The following NUTM1 variants were observed in gnomAD, a reference collection of about 807,000 sequenced individuals.
The protein encoded by NUTM1 is NUT midline carcinoma family member 1, also known as NUT family member 1.
Under a neutral mutation model 88.7 loss-of-function variants are expected in NUTM1, and 39 were observed. The ratio of observed to expected loss-of-function variants is 0.44; its 90% CI spans 0.34 to 0.57. NUTM1 has a LOEUF of 0.57. Among genes scored for constraint, NUTM1 ranks in the 20% least tolerant of loss-of-function variants. NUTM1 has a pLI of 0.01. For missense variants in NUTM1, 1,350 were observed against 1,414.5 expected (o/e 0.95, Z 0.73); for synonymous variants, 494 against 538.0 (o/e 0.92, Z 1.13).
chr15:34,356,992 AC>A lies in NUTM1; in HGVS notation c.2986del (p.Gln996ArgfsTer16). 1 of 1,613,038 alleles carries A rather than the reference AC, an allele frequency of 6.2e-7. No individual in the cohort carries two copies. ...GGGACTCCCAAAGCAACATCTTCTCACCAGGGCCTTGGAAGCACTTTGCCTA... is the reference window on the plus strand; with the variant it reads ...GGGACTCCCAAAGCAACATCTTCTCACAGGGCCTTGGAAGCACTTTGCCTA... ...TTGTPKATSS[H>X]QGLGSTLPRR... On this transcript the variant is annotated frameshift_variant, in exon 8 of 8. Coordinates refer to ENST00000537011, the MANE Select transcript of NUTM1 (RefSeq NM_001284292.2). LOFTEE classifies it high-confidence loss of function.
intron 4 of NUTM1, among the ~76,000 whole-genome samples, chr15:34,351,876 A>AG (rs1227313587): frequency 1.3e-5 from 2 of 151,018 alleles, no homozygotes; most frequent in Non-Finnish European, 3.0e-5. Context: ...TTTGATTAAA[A>AG]AAAAAAAAAA....
intron 2 of NUTM1, among the ~76,000 whole-genome samples, chr15:34,347,270 T>G (rs1403861221): frequency 1.3e-5 from 2 of 151,650 alleles, no homozygotes; most frequent in Non-Finnish European, 2.9e-5. Flanking sequence ...TTCTTTTTTT[T>G]TTTTTGAGAC....
At chr15:34,346,090 C>T in intron 2 of NUTM1, 55 bp downstream of exon 2, 1 of 1,564,350 alleles carries the variant, frequency 6.4e-7, no homozygotes, top group Non-Finnish European at 8.8e-7. Flanking sequence ...TCCTTTGAGA[C>T]AAGCTCTCTG....
At chr15:34,352,079 A>C (rs1340537403) in intron 4 of NUTM1, among the ~76,000 whole-genome samples, 2 of 152,210 alleles carry the variant, frequency 1.3e-5, no homozygotes, top group Non-Finnish European at 2.9e-5. Flanking sequence ...CTGAGGCAGG[A>C]GAATCGCTTG....
At chr15:34,350,598 C>A in intron 3 of NUTM1, 106 bp from the exon 4 acceptor site, 2 of 1,391,570 alleles carry the variant, frequency 1.4e-6, no homozygotes, top group South Asian at 1.4e-5. Flanking sequence ...CCCTAAGGGG[C>A]ACAATAGATT....
chr15:34,353,970 T>C, intron 5 of NUTM1, 98 bp downstream of exon 5: 1 of 1,367,896 alleles, frequency 7.3e-7, no homozygotes, highest in Non-Finnish European at 1.0e-6. Context: ...GCCCAGGCTC[T>C]GCCACTTTCC....
At chr15:34,347,116 C>T (rs1890606988) in intron 2 of NUTM1, among the ~76,000 whole-genome samples, 5 of 151,912 alleles carry the variant, frequency 3.3e-5, no homozygotes, top group Admixed American at 2.0e-4. Context: ...TTTGAGTCTT[C>T]GGGTCTAAAG....
Position 34,353,739 on chromosome 15 carries a change from C to G in NUTM1, c.942C>G (p.Phe314Leu), listed in dbSNP as rs762975389. The G allele has an allele frequency of 3.1e-6, 5 of 1,614,116 alleles. No homozygotes were observed. In the East Asian group the frequency reaches 8.9e-5, roughly 29 times the overall value. Reference sequence around the variant, plus strand: ...ATGCCTTTCTCACCCTCTGCAGGTTCATGGAGTTTGAGGCTGAGGAGATGC... The same window carrying G: ...ATGCCTTTCTCACCCTCTGCAGGTTGATGGAGTTTGAGGCTGAGGAGATGC... Reference protein sequence around the residue: ...RMIFYEMAERFMEFEAEEMQI... With the variant: ...RMIFYEMAERLMEFEAEEMQI... The change falls in exon 5 of 8, where the codon TTC (phenylalanine) becomes TTG (leucine). Residue 314 changes from phenylalanine to leucine, a missense_variant. Phe to Leu is a conservative substitution (Grantham distance 22). Coordinates refer to ENST00000537011, the MANE Select transcript of NUTM1 (RefSeq NM_001284292.2).
At position 34,348,300 on chromosome 15, in the gene NUTM1, G is replaced by T. The variant is rs778831851; in HGVS notation, c.432G>T (p.Ser144=). 1 of 1,614,168 alleles carries T rather than the reference G, an allele frequency of 6.2e-7. No individual in the cohort carries two copies. The highest frequency in any genetic ancestry group is 1.1e-5 in the South Asian group (1 of 91,076). The change falls in exon 3 of 8, where the codon TCG becomes TCT. Residue 144 remains serine (S), a synonymous_variant. Coordinates refer to ENST00000537011, the MANE Select transcript of NUTM1 (RefSeq NM_001284292.2). Reference sequence around the variant, plus strand: ...TCCTTACTCAGACTGCCCTCAATTCGACTGCCCCGGGCACTCCCTGTGGAG... The same window carrying T: ...TCCTTACTCAGACTGCCCTCAATTCTACTGCCCCGGGCACTCCCTGTGGAG... The part of the protein sequence containing the change: ...NFILTQTALN[S]TAPGTPCGGL...
chr15:34,350,797 C>A lies in NUTM1; in HGVS notation c.903C>A (p.Asn301Lys). 6.2e-7 allele frequency: 1 copy of A among 1,614,124 alleles called. No homozygotes were observed. Among genetic ancestry groups the A allele is most frequent in the South Asian group, 1.1e-5 (1 of 91,080 alleles). Reference sequence around the variant, plus strand: ...TGCAGGAGTGGGAGCACACCAGCAACTTTGACCGGATGATCTTTTATGAGA... The same window carrying A: ...TGCAGGAGTGGGAGCACACCAGCAAATTTGACCGGATGATCTTTTATGAGA... ...LAVQEWEHTS[N>K]FDRMIFYEMA... is the part of the protein sequence containing the mutation. Residue 301 changes from asparagine to lysine, a missense_variant, in exon 4 of 8, where the codon AAC (asparagine) becomes AAA (lysine). This residue lies in a region of NUTM1 where 399 missense variants were observed against 397.9 expected (regional missense o/e 1.00). Coordinates refer to ENST00000537011, the MANE Select transcript of NUTM1 (RefSeq NM_001284292.2).
Position 34,356,241 on chromosome 15 carries a change from T to C in NUTM1, c.2233T>C (p.Cys745Arg). 2 of 1,607,384 alleles carry C rather than the reference T, an allele frequency of 1.2e-6. No individual in the cohort carries two copies. The highest frequency in any genetic ancestry group is 1.7e-6 in the Non-Finnish European group (2 of 1,175,470). ...PRAAGERDDV[C>R]LSPGVWLSSE... ...AGCAGCTGGGGAGAGGGACGATGTC[T>C]GTCTCAGCCCAGGAGTTTGGCTGAG... Residue 745 changes from cysteine (C) to arginine (R), a missense_variant, in exon 8 of 8, where the codon TGT (cysteine) becomes CGT (arginine). Coordinates refer to ENST00000537011, the MANE Select transcript of NUTM1 (RefSeq NM_001284292.2).
intron 2 of NUTM1, 131 bp from the exon 3 acceptor site, chr15:34,347,838 G>C: frequency 1.9e-6 from 1 of 520,054 alleles, no homozygotes; most frequent in Non-Finnish European, 3.1e-6. Context: ...GGGCGACAGA[G>C]CGAGACTCCA....
intron 5 of NUTM1, 145 bp from the exon 6 acceptor site, chr15:34,354,301 C>T (rs1890759179): frequency 1.6e-5 from 15 of 939,170 alleles, no homozygotes; most frequent in Non-Finnish European, 2.5e-5. Context: ...GATTGCTGAG[C>T]TTACAGAGCT....
chr15:34,343,788 ACT>A lies in NUTM1; in HGVS notation c.6+90_6+91del, dbSNP rs1890530484. On this transcript the variant is annotated intron_variant, in intron 1 of 7. Coordinates refer to ENST00000537011, the MANE Select transcript of NUTM1 (RefSeq NM_001284292.2). ...AGAATATAGAAGTTCTCCTTATAAG[ACT>A]CTCGTTTAAAGAAATGAAAATGAGA... 5.8e-6 allele frequency: 7 copies of A among 1,216,526 alleles called. No homozygotes were observed. In the Admixed American group the frequency reaches 1.2e-4, roughly 21 times the overall value. 75.4% of individuals were successfully genotyped at this position (1,216,526 alleles called of 1,614,324 possible).
In NUTM1 at chr15:34,350,738, A is replaced by G; in HGVS notation, c.844A>G (p.Thr282Ala). Residue 282 changes from threonine (T) to alanine (A), a missense_variant, in exon 4 of 8, where the codon ACT becomes GCT. This residue lies in a region of NUTM1 where 399 missense variants were observed against 397.9 expected (regional missense o/e 1.00). Transcript: ENST00000537011. Reference sequence around the variant, plus strand: ...TCGTTCCCTGGCCCGGCTGAAGCCCACTATGACCCTGGAGGAGGGACTGCC... The same window carrying G: ...TCGTTCCCTGGCCCGGCTGAAGCCCGCTATGACCCTGGAGGAGGGACTGCC... ...VLRSLARLKP[T>A]MTLEEGLPLA... The G allele has an allele frequency of 6.2e-7, 1 of 1,613,574 alleles. No homozygotes were observed. Among genetic ancestry groups the G allele is most frequent in the Non-Finnish European group, 8.5e-7 (1 of 1,179,940 alleles).
At chr15:34,353,913 C>T (rs760966696) in intron 5 of NUTM1, 41 bp downstream of exon 5, 2 of 1,608,784 alleles carry the variant, frequency 1.2e-6, no homozygotes, top group African/African-American at 2.7e-5. Context: ...GGGCCAAAGG[C>T]TCAAAGGGAT....
chr15:34,354,825 C>T, intron 6 of NUTM1, 93 bp downstream of exon 6: 1 of 1,304,558 alleles, frequency 7.7e-7, no homozygotes, highest in Non-Finnish European at 1.1e-6. Context: ...TGCAGTAGGA[C>T]TTAGGTTTTA....
intron 4 of NUTM1, among the ~76,000 whole-genome samples, chr15:34,351,932 G>T (rs1890717232): frequency 6.6e-6 from 1 of 150,914 alleles, no homozygotes; most frequent in Non-Finnish European, 1.5e-5. Context: ...CACTTTGGGA[G>T]GCCGAGGCAG....
chr15:34,343,709 A>G lies in NUTM1; in HGVS notation c.6+7A>G, dbSNP rs1488456836. 2.6e-6 allele frequency: 4 copies of G among 1,533,534 alleles called. No individual in the cohort carries two copies. In the African/African-American group the frequency reaches 5.5e-5, roughly 21 times the overall value. 95.0% of individuals were successfully genotyped at this position (1,533,534 alleles called of 1,614,324 possible). ...AGCGCTCTTTCTTATGGTGGTGAGT[A>G]GCTAATAATAACGTAATAAAGTGCA... is the stretch of plus-strand genomic sequence containing the variant. On this transcript the variant is annotated splice_region_variant and intron_variant, in intron 1 of 7. Transcript: ENST00000537011.
Sources: allele counts gnomAD v4.1 joint callset (sites outside exome capture counted in the v4.1 genomes callset), GRCh38; gene constraint gnomAD v4.1.1; regional missense constraint gnomAD v4.1.1; transcripts MANE v1.5; gene names NCBI Gene and HGNC (gene_info 2026-07-23, HGNC 2026-07-21).